The following FANCM variants were observed in gnomAD, a reference collection of about 807,000 sequenced individuals.
FANCM encodes the protein Fanconi anemia group M protein.
Under a neutral mutation model 199.5 loss-of-function variants are expected in FANCM, and 140 were observed. That is an observed-to-expected ratio of 0.70 (90% CI 0.61 to 0.81). The LOEUF (loss-of-function observed/expected upper bound fraction) is 0.81. Among genes scored for constraint, FANCM ranks in the 30% least tolerant of loss-of-function variants. FANCM has a pLI of 0.00. For synonymous variants in FANCM, 840 were observed against 836.8 expected, an observed-to-expected ratio of 1.00 and a Z score of -0.07; for missense variants, 2,410 against 2,421.4, an observed-to-expected ratio of 1.00 and a Z score of 0.10.
intron 14 of FANCM, among the ~76,000 whole-genome samples, chr14:45,180,125 T>C (rs1161431331): frequency 1.3e-5 from 2 of 152,184 alleles, no homozygotes; most frequent in Admixed American, 6.5e-5. Context: ...GGTACCAAAA[T>C]CTGTATTATT....
intron 13 of FANCM, among the ~76,000 whole-genome samples, chr14:45,173,671 G>A (rs1299647939): frequency 6.6e-6 from 1 of 152,128 alleles, no homozygotes; most frequent in East Asian, 1.9e-4. Flanking sequence ...TCCTAACTCT[G>A]CCTCCTACTG....
In FANCM at chr14:45,137,193, A is replaced by G; in HGVS notation, c.633A>G (p.Leu211=). The change falls in exon 2 of 23, where the codon TTA becomes TTG. Residue 211 remains leucine, a synonymous_variant. Transcript: ENST00000267430. ...GACPAAEIKC[L]VIDEAHKALG... is the part of the protein sequence containing the mutation. ...GTCCCGCTGCTGAAATAAAGTGTTT[A>G]GTTATTGATGAAGCTCATAAAGCTC... 1 of 1,613,726 alleles carries G rather than the reference A, an allele frequency of 6.2e-7. No individual in the cohort carries two copies. The highest frequency in any genetic ancestry group is 8.5e-7 in the Non-Finnish European group (1 of 1,179,984).
chr14:45,140,090 G>A (rs370462664), intron 2 of FANCM, among the ~76,000 whole-genome samples: 2 of 152,094 alleles, frequency 1.3e-5, no homozygotes, highest in South Asian at 2.1e-4. Context: ...TTAAAATTCT[G>A]TGCAGTTTTA....
At chr14:45,162,847 GTATC>G (rs1285401173) in intron 9 of FANCM, among the ~76,000 whole-genome samples, 1 of 151,874 alleles carries the variant, frequency 6.6e-6, no homozygotes, top group Non-Finnish European at 1.5e-5. Context: ...AAGAAAAAAT[GTATC>G]TAGCACTGTG....
chr14:45,168,203 T>A (rs943603270), intron 11 of FANCM, among the ~76,000 whole-genome samples: 2 of 152,206 alleles, frequency 1.3e-5, no homozygotes, highest in African/African-American at 4.8e-5. Flanking sequence ...TTTGTTAATG[T>A]TCTTTCCCTT....
At chr14:45,157,093 ACATCT>A (rs1473954947) in intron 8 of FANCM, among the ~76,000 whole-genome samples, 7 of 152,250 alleles carry the variant, frequency 4.6e-5, no homozygotes, top group African/African-American at 1.4e-4. Flanking sequence ...ATGTATATAG[ACATCT>A]CAAAACATAT....
At chr14:45,168,891 T>A (rs1340339667) in intron 11 of FANCM, among the ~76,000 whole-genome samples, 1 of 149,740 alleles carries the variant, frequency 6.7e-6, no homozygotes, top group Non-Finnish European at 1.5e-5. Flanking sequence ...ATGTAATTCA[T>A]CTGAGCTTAG....
At chr14:45,168,991 G>A (rs796847420) in intron 11 of FANCM, among the ~76,000 whole-genome samples, 40 of 151,424 alleles carry the variant, frequency 2.6e-4, no homozygotes, top group African/African-American at 8.7e-4. Flanking sequence ...GCATGATCTC[G>A]GCTCACTGCA....
intron 9 of FANCM, among the ~76,000 whole-genome samples, chr14:45,160,757 G>A (rs1467544099): frequency 6.6e-6 from 1 of 151,546 alleles, no homozygotes; most frequent in Admixed American, 6.6e-5. Context: ...TACCCAGGAC[G>A]GTCTCCATCT....
chr14:45,154,330 G>A (rs1469292266), intron 6 of FANCM, among the ~76,000 whole-genome samples: 1 of 151,438 alleles, frequency 6.6e-6, no homozygotes, highest in Non-Finnish European at 1.5e-5. Flanking sequence ...GAACCCGAGA[G>A]GCAGAGGTTG....
In FANCM at chr14:45,196,399, CG is replaced by C; in HGVS notation, c.5569del (p.Val1857Ter). The C allele has an allele frequency of 6.2e-7, 1 of 1,613,944 alleles. No individual in the cohort carries two copies. The highest frequency in any genetic ancestry group is 8.5e-7 in the Non-Finnish European group (1 of 1,179,910). On this transcript the variant is annotated frameshift_variant, in exon 21 of 23. Transcript: ENST00000267430. LOFTEE classifies it high-confidence loss of function. ...GTCCTCTTAATGGCTGTGATTACAT[CG>C]TGAGTAATCGCATGGTGGTGGAAAG... ...VCPLNGCDYI[V>X]SNRMVVERRS...
In FANCM at chr14:45,189,123, C is replaced by CAAACAAACAACTGTTAAGA; in HGVS notation, c.5102_5103insAACAAACAACTGTTAAGAA (p.Asp1702ThrfsTer5). The CAAACAAACAACTGTTAAGA allele has an allele frequency of 1.9e-6, 3 of 1,613,978 alleles. No individual in the cohort carries two copies. The highest frequency in any genetic ancestry group is 2.5e-6 in the Non-Finnish European group (3 of 1,179,834). On this transcript the variant is annotated stop_gained and frameshift_variant, in exon 20 of 23. Transcript: ENST00000267430. LOFTEE classifies it high-confidence loss of function. The stretch of plus-strand genomic sequence containing the variant: ...AAGCACTGTTAAGAAGAACAAACAA[C>CAAACAAACAACTGTTAAGA]AGGACCATTGTTTAAATTCAGTGCC...
intron 20 of FANCM, among the ~76,000 whole-genome samples, chr14:45,191,685 A>G (rs899595022): frequency 1.3e-5 from 2 of 152,236 alleles, no homozygotes; most frequent in African/African-American, 4.8e-5. Flanking sequence ...ATAAAATTAC[A>G]TATAGTGTGA....
Position 45,153,934 on chromosome 14 carries a change from C to A in FANCM, c.1065C>A (p.Gly355=). 1 of 1,609,636 alleles carries A rather than the reference C, an allele frequency of 6.2e-7. No homozygotes were observed. The highest frequency in any genetic ancestry group is 8.5e-7 in the Non-Finnish European group (1 of 1,176,114). The change falls in exon 6 of 23, where the codon GGC becomes GGA. Residue 355 remains glycine, a synonymous_variant. Transcript: ENST00000267430. ...TGTTTTTCTAGGGAATACAACAAGG[C>A]ATAATCGAGGGAGAGTTTGCTATTT... is the stretch of plus-strand genomic sequence containing the variant. The part of the protein sequence containing the change: ...PSPNIVGIQQ[G]IIEGEFAICI...
At chr14:45,166,732 C>T (rs899190978) in intron 10 of FANCM, among the ~76,000 whole-genome samples, 9 of 146,334 alleles carry the variant, frequency 6.2e-5, no homozygotes, top group Non-Finnish European at 1.2e-4. Context: ...GCCCTGATCA[C>T]AGCACTGTAC....
chr14:45,174,082 T>C (rs1490032108), intron 13 of FANCM, among the ~76,000 whole-genome samples: 2 of 152,196 alleles, frequency 1.3e-5, no homozygotes, highest in Non-Finnish European at 2.9e-5. Context: ...ATGCTTATTA[T>C]ATTTATTATT....
At chr14:45,151,889 A>G in intron 5 of FANCM, among the ~76,000 whole-genome samples, 1 of 148,042 alleles carries the variant, frequency 6.8e-6, no homozygotes. Context: ...ATTCTAGCCT[A>G]GGTGACAGAG....
intron 21 of FANCM, chr14:45,198,386 A>G: frequency 3.3e-6 from 1 of 304,754 alleles, no homozygotes; most frequent in Non-Finnish European, 6.1e-6. Context: ...CTTGGCCTTC[A>G]GGAGTGAATT....
At chr14:45,182,969 A>C (rs1775653445) in intron 16 of FANCM, among the ~76,000 whole-genome samples, 1 of 152,156 alleles carries the variant, frequency 6.6e-6, no homozygotes, top group Non-Finnish European at 1.5e-5. Flanking sequence ...TGAAGAACAG[A>C]ATGTTTGTAT....
Sources: allele counts gnomAD v4.1 joint callset (sites outside exome capture counted in the v4.1 genomes callset), GRCh38; gene constraint gnomAD v4.1.1; transcripts MANE v1.5; gene names NCBI Gene and HGNC (gene_info 2026-07-23, HGNC 2026-07-21).